CCSER1: variants seen among roughly 807,000 people sequenced by gnomAD.
CCSER1 encodes serine-rich coiled-coil domain-containing protein 1.
In CCSER1, 41 loss-of-function variants were observed where a neutral mutation model predicts 82.0. The observed-to-expected ratio is 0.50, with a 90% CI of 0.39 to 0.65. The LOEUF (loss-of-function observed/expected upper bound fraction) is 0.65, where lower values mean the gene tolerates loss of function less well. Among genes scored for constraint, CCSER1 ranks in the 30% least tolerant of loss-of-function variants. CCSER1 has a pLI of 0.00. For missense variants in CCSER1, 1,119 were observed against 1,064.2 expected (o/e 1.05, Z -0.72); for synonymous variants, 414 against 383.9 (o/e 1.08, Z -0.92).
At position 90,812,526 on chromosome 4, in the gene CCSER1, A is replaced by T. The variant is rs1291434112; in HGVS notation, c.2011-3236A>T. ...TGAAAGGCACAATTGTTACAGGGACATCACTAAAGATGAGCACTGTAACAT... is the reference window on the plus strand; with the variant it reads ...TGAAAGGCACAATTGTTACAGGGACTTCACTAAAGATGAGCACTGTAACAT... On this transcript the variant is annotated intron_variant, in intron 7 of 10. Coordinates refer to ENST00000509176, the MANE Select transcript of CCSER1 (RefSeq NM_001145065.2). Among the ~76,000 whole-genome samples, 5 of 152,220 alleles carry T rather than the reference A, an allele frequency of 3.3e-5. No homozygotes were observed. The East Asian group carries it at 9.6e-4, about 29-fold the overall frequency.
intron 4 of CCSER1, among the ~76,000 whole-genome samples, chr4:90,411,300 A>G (rs1232718302): frequency 6.6e-6 from 1 of 152,194 alleles, no homozygotes; most frequent in Non-Finnish European, 1.5e-5. Flanking sequence ...CTGATACCAA[A>G]GCCTGGCAGA....
intron 10 of CCSER1, among the ~76,000 whole-genome samples, chr4:91,111,029 T>G (rs1018797730): frequency 1.3e-5 from 2 of 150,106 alleles, no homozygotes; most frequent in Admixed American, 1.4e-4. Context: ...AAATTTGATA[T>G]AGTGAGAAAA....
intron 5 of CCSER1, among the ~76,000 whole-genome samples, chr4:90,605,542 A>G (rs1032181390): frequency 6.6e-6 from 1 of 152,232 alleles, no homozygotes; most frequent in Non-Finnish European, 1.5e-5. Flanking sequence ...AATCCAGTCT[A>G]AAATGTAATT....
chr4:90,578,240 C>A (rs1780992393), intron 5 of CCSER1, among the ~76,000 whole-genome samples: 1 of 152,070 alleles, frequency 6.6e-6, no homozygotes, highest in Non-Finnish European at 1.5e-5. Flanking sequence ...AATTTATTTT[C>A]TTTTTCTTTT....
intron 5 of CCSER1, among the ~76,000 whole-genome samples, chr4:90,502,209 A>G (rs1488780022): frequency 6.6e-6 from 1 of 152,196 alleles, no homozygotes. Context: ...TACAGGAATC[A>G]TGGCTAGGGA....
rs144080682 is a variant in CCSER1 at position 90,945,494 on chromosome 4, A to G, written c.2172+22047A>G. On this transcript the variant is annotated intron_variant, in intron 9 of 10. Transcript: ENST00000509176. ...TGAGTTATAAAATCTGTGTTGTTTT[A>G]TAGTCCATTTTCTTTTACTTGGTGT... Among the ~76,000 whole-genome samples the G allele has an allele frequency of 4.2e-4, 64 of 152,268 alleles. 1 individual carries two copies. The East Asian group carries it at 9.8e-3, about 23-fold the overall frequency.
At chr4:90,800,172 T>C (rs11722092) in intron 7 of CCSER1, among the ~76,000 whole-genome samples, 53,268 of 152,084 alleles carry the variant, frequency 0.35, 9,499 homozygotes, top group East Asian at 0.42. Context: ...ATTTCCTTTA[T>C]TCCTATGTAA....
chr4:90,347,261 A>G (rs1300336967), intron 3 of CCSER1, among the ~76,000 whole-genome samples: 2 of 152,194 alleles, frequency 1.3e-5, no homozygotes, highest in Non-Finnish European at 2.9e-5. Flanking sequence ...ACCTCATAAG[A>G]CTAAATACTA....
chr4:90,719,193 A>G (rs527412492), intron 6 of CCSER1, among the ~76,000 whole-genome samples: 37 of 152,194 alleles, frequency 2.4e-4, no homozygotes, highest in African/African-American at 8.9e-4. Flanking sequence ...CTTTCAGATC[A>G]GCTGCGGCAT....
intron 10 of CCSER1, among the ~76,000 whole-genome samples, chr4:91,374,697 T>C (rs1418037089): frequency 6.6e-6 from 1 of 152,204 alleles, no homozygotes; most frequent in Non-Finnish European, 1.5e-5. Flanking sequence ...AGTTTTGTTA[T>C]TTTAGAAATA....
chr4:91,412,697 C>G (rs1241732829), intron 10 of CCSER1, among the ~76,000 whole-genome samples: 2 of 152,052 alleles, frequency 1.3e-5, no homozygotes, highest in Non-Finnish European at 2.9e-5. Flanking sequence ...ACTTTATCAT[C>G]CCAGATACCA....
chr4:91,051,668 A>C (rs1419905249), intron 9 of CCSER1, among the ~76,000 whole-genome samples: 2 of 152,136 alleles, frequency 1.3e-5, no homozygotes, highest in Non-Finnish European at 2.9e-5. Context: ...TGCACCCTAG[A>C]AAGGAAGGAA....
intron 1 of CCSER1, among the ~76,000 whole-genome samples, chr4:90,231,366 A>G (rs1447702599): frequency 2.6e-5 from 4 of 152,034 alleles, no homozygotes; most frequent in Non-Finnish European, 5.9e-5. Context: ...ACCAAAGACA[A>G]AAACCACATG....
At chr4:90,970,922 T>A (rs1485803241) in intron 9 of CCSER1, among the ~76,000 whole-genome samples, 1 of 151,066 alleles carries the variant, frequency 6.6e-6, no homozygotes, top group African/African-American at 2.4e-5. Context: ...TGAAAAAAAA[T>A]TACTAAAAGA....
intron 9 of CCSER1, among the ~76,000 whole-genome samples, chr4:91,019,050 A>G (rs1739689119): frequency 6.6e-6 from 1 of 152,000 alleles, no homozygotes; most frequent in Admixed American, 6.6e-5. Flanking sequence ...ATGTCTCTCA[A>G]TAAGTGGTCA....
At chr4:91,422,569 C>T (rs758963933) in intron 10 of CCSER1, among the ~76,000 whole-genome samples, 4 of 152,078 alleles carry the variant, frequency 2.6e-5, no homozygotes, top group Non-Finnish European at 5.9e-5. Flanking sequence ...TTATGAAATA[C>T]TCATTGTTTG....
At chr4:90,469,054 T>C (rs1211456972) in intron 5 of CCSER1, among the ~76,000 whole-genome samples, 1 of 152,102 alleles carries the variant, frequency 6.6e-6, no homozygotes, top group Admixed American at 6.5e-5. Flanking sequence ...AATAGTATCA[T>C]GCCTCCTTTA....
At chr4:90,412,705 AT>A (rs1217373278) in intron 4 of CCSER1, among the ~76,000 whole-genome samples, 1 of 152,188 alleles carries the variant, frequency 6.6e-6, no homozygotes, top group African/African-American at 2.4e-5. Flanking sequence ...AAAATCCAGC[AT>A]TGCTTTATGA....
At chr4:91,430,213 A>C (rs766611739) in intron 10 of CCSER1, among the ~76,000 whole-genome samples, 22 of 152,174 alleles carry the variant, frequency 1.4e-4, no homozygotes, top group Non-Finnish European at 2.6e-4. Flanking sequence ...ATAGGGGGAA[A>C]AAAGCTATTA....
Sources: allele counts gnomAD v4.1 joint callset (sites outside exome capture counted in the v4.1 genomes callset), GRCh38; gene constraint gnomAD v4.1.1; transcripts MANE v1.5; gene names NCBI Gene and HGNC (gene_info 2026-07-23, HGNC 2026-07-21).